TENM2: variants seen among roughly 807,000 people sequenced by gnomAD.
The protein encoded by TENM2 is teneurin transmembrane protein 2.
A neutral mutation model predicts 245.2 loss-of-function variants in TENM2; 52 were observed. The ratio of observed to expected loss-of-function variants is 0.21; its 90% confidence interval spans 0.17 to 0.27. The LOEUF (loss-of-function observed/expected upper bound fraction) is 0.27, where lower values mean the gene tolerates loss of function less well. TENM2 is among the 10% of genes least tolerant of loss of function. TENM2 has a pLI of 1.00. For synonymous variants in TENM2, 1,363 were observed against 1,438.9 expected, an observed-to-expected ratio of 0.95 and a Z score of 1.19; for missense variants, 3,046 against 3,666.8, an observed-to-expected ratio of 0.83 and a Z score of 4.37.
intron 2 of TENM2, among the ~76,000 whole-genome samples, chr5:167,659,628 T>TC (rs1755074031): frequency 7.2e-5 from 11 of 152,222 alleles, no homozygotes; most frequent in Admixed American, 5.9e-4. Flanking sequence ...TTTCAAATAA[T>TC]CTGTGCATCC....
At chr5:167,834,308 T>C (rs976112620) in intron 2 of TENM2, among the ~76,000 whole-genome samples, 3 of 152,204 alleles carry the variant, frequency 2.0e-5, no homozygotes, top group African/African-American at 7.2e-5. Context: ...AAGTAGGTCC[T>C]GGCTCCTTTT....
chr5:167,083,024 A>T, the TENM2 span, among the ~76,000 whole-genome samples: 4 of 151,936 alleles, frequency 2.6e-5, no homozygotes, highest in Admixed American at 6.6e-5. Context: ...CAAAAAAAAA[A>T]GAAAAGCAAA....
At chr5:167,428,205 T>A (rs1763995435) in intron 2 of TENM2, among the ~76,000 whole-genome samples, 1 of 152,196 alleles carries the variant, frequency 6.6e-6, no homozygotes, top group South Asian at 2.1e-4. Context: ...ATATGAGTTT[T>A]TTAAAAAATT....
the TENM2 span, among the ~76,000 whole-genome samples, chr5:167,270,101 C>CA: frequency 6.6e-6 from 1 of 152,152 alleles, no homozygotes; most frequent in Non-Finnish European, 1.5e-5. Context: ...TAGAACACCT[C>CA]AGTTTCAGAT....
At chr5:167,991,850 G>A (rs376620644) in intron 4 of TENM2, among the ~76,000 whole-genome samples, 18 of 152,158 alleles carry the variant, frequency 1.2e-4, no homozygotes, top group East Asian at 1.9e-4. Flanking sequence ...AGGTTTTATC[G>A]AAAGACAGAG....
At chr5:167,993,733 T>C (rs995141582) in intron 5 of TENM2, among the ~76,000 whole-genome samples, 2 of 152,216 alleles carry the variant, frequency 1.3e-5, no homozygotes, top group Non-Finnish European at 2.9e-5. Context: ...CCAGACACAC[T>C]TGGCCTTGCC....
chr5:167,446,270 T>C (rs1212382116), intron 2 of TENM2, among the ~76,000 whole-genome samples: 1 of 152,124 alleles, frequency 6.6e-6, no homozygotes, highest in Non-Finnish European at 1.5e-5. Flanking sequence ...TCTCACCTAT[T>C]GATGAGATCC....
the TENM2 span, among the ~76,000 whole-genome samples, chr5:167,195,510 T>G: frequency 6.6e-6 from 1 of 151,992 alleles, no homozygotes; most frequent in Non-Finnish European, 1.5e-5. Flanking sequence ...GTTTGTATCA[T>G]GAAAGCAGCT....
At chr5:167,346,842 C>T (rs992152447) in intron 1 of TENM2, among the ~76,000 whole-genome samples, 21 of 152,056 alleles carry the variant, frequency 1.4e-4, no homozygotes, top group Non-Finnish European at 2.4e-4. Flanking sequence ...GGCATGATCA[C>T]GGCTTTCTGC....
intron 2 of TENM2, among the ~76,000 whole-genome samples, chr5:167,459,471 ATC>A (rs1766144612): frequency 2.0e-5 from 3 of 152,160 alleles, no homozygotes; most frequent in African/African-American, 7.2e-5. Flanking sequence ...TTGTATAAAT[ATC>A]TCTCTCATAC....
At chr5:168,109,771 GA>G (rs946098414) in intron 9 of TENM2, among the ~76,000 whole-genome samples, 5 of 152,194 alleles carry the variant, frequency 3.3e-5, no homozygotes, top group Non-Finnish European at 7.3e-5. Flanking sequence ...TGCCCAAAGA[GA>G]ACAGAGATCG....
chr5:167,905,678 T>C (rs559078128), intron 3 of TENM2, among the ~76,000 whole-genome samples: 2 of 152,292 alleles, frequency 1.3e-5, no homozygotes, highest in East Asian at 3.9e-4. Context: ...AGAAATTCTT[T>C]TGGACAAAAG....
chr5:168,056,638 C>A (rs1789564617), intron 6 of TENM2, among the ~76,000 whole-genome samples: 1 of 152,158 alleles, frequency 6.6e-6, no homozygotes, highest in South Asian at 2.1e-4. Context: ...ACAGTATTTA[C>A]AAGGTCAAAA....
At chr5:167,869,403 A>C (rs1772615695) in intron 2 of TENM2, among the ~76,000 whole-genome samples, 1 of 152,222 alleles carries the variant, frequency 6.6e-6, no homozygotes, top group African/African-American at 2.4e-5. Context: ...CCTGAGTTCA[A>C]ATCTTGATTC....
chr5:168,134,695 A>G (rs1754893709), intron 12 of TENM2, among the ~76,000 whole-genome samples: 1 of 152,178 alleles, frequency 6.6e-6, no homozygotes, highest in Non-Finnish European at 1.5e-5. Context: ...CTCAAAAGAA[A>G]AAAAAATTCT....
intron 2 of TENM2, among the ~76,000 whole-genome samples, chr5:167,607,208 T>C (rs1002313624): frequency 6.6e-5 from 10 of 152,130 alleles, no homozygotes; most frequent in African/African-American, 1.9e-4. Context: ...AGAGAAGTAA[T>C]AGTGCCAATA....
intron 5 of TENM2, among the ~76,000 whole-genome samples, chr5:168,046,092 G>A (rs865887297): frequency 5.3e-5 from 8 of 152,228 alleles, no homozygotes; most frequent in Non-Finnish European, 1.2e-4. Flanking sequence ...ACACACACAC[G>A]GACACCTTGC....
chr5:167,097,397 C>CTGT, the TENM2 span, among the ~76,000 whole-genome samples: 1 of 152,056 alleles, frequency 6.6e-6, no homozygotes, highest in Non-Finnish European at 1.5e-5. Context: ...ATGTAGCATG[C>CTGT]TGTTAATGGA....
rs185573835 is a variant in TENM2 at position 167,400,796 on chromosome 5, G to A, written c.502+25323G>A. 6.6e-5 allele frequency among the ~76,000 whole-genome samples: 10 copies of A among 152,238 alleles called. No homozygotes were observed. The East Asian group carries it at 1.9e-3, about 29-fold the overall frequency. On this transcript the variant is annotated intron_variant, in intron 2 of 28. Transcript: ENST00000518659. Reference sequence around the variant, plus strand: ...TCTTCTTGGCAGAAGGGACTATTAAGTAGAGCAAGGTCAACCATGCCATAA... The same window carrying A: ...TCTTCTTGGCAGAAGGGACTATTAAATAGAGCAAGGTCAACCATGCCATAA...
Sources: gnomAD v4.1 joint callset for allele counts (sites outside exome capture counted in the v4.1 genomes callset) on GRCh38, gnomAD v4.1.1 for gene constraint, MANE v1.5 for transcripts, NCBI Gene and HGNC (gene_info 2026-07-23, HGNC 2026-07-21) for gene names.